The following NSL1 variants were observed in gnomAD, a reference collection of about 807,000 sequenced individuals.
The protein encoded by NSL1 is kinetochore-associated protein NSL1 homolog.
Under a neutral mutation model 25.4 loss-of-function variants are expected in NSL1, and 11 were observed. The observed-to-expected ratio is 0.43, with a 90% CI of 0.27 to 0.72. NSL1 has a LOEUF of 0.72. Ranked by LOEUF, NSL1 falls within the 30% of genes least tolerant of loss-of-function variation. NSL1 has a pLI of 0.19. For missense variants in NSL1, 330 were observed against 342.7 expected, an observed-to-expected ratio of 0.96 and a Z score of 0.29; for synonymous variants, 118 against 120.6, an observed-to-expected ratio of 0.98 and a Z score of 0.14.
chr1:212,754,553 G>C (rs374784323), intron 4 of NSL1, among the ~76,000 whole-genome samples: 66 of 152,066 alleles, frequency 4.3e-4, no homozygotes, highest in African/African-American at 1.4e-3. Context: ...GAGATGGGTG[G>C]ATCACGTGAG....
Position 212,726,897 on chromosome 1 carries a change from C to A in NSL1, c.*11511G>T. The A allele has an allele frequency of 2.5e-6, 1 of 398,258 alleles. No homozygotes were observed. Among genetic ancestry groups the A allele is most frequent in the Non-Finnish European group, 4.4e-6 (1 of 225,194 alleles). 24.7% of individuals were successfully genotyped at this position (398,258 alleles called of 1,614,324 possible). A position where few individuals can be genotyped will look rare whatever the true frequency, so the allele number is the denominator to read the frequency against. On this transcript the variant is annotated 3_prime_UTR_variant, in exon 6 of 6. Transcript: ENST00000366977. ...GTCCCAGGGGCTGGATGGTGTCCCTCCCTCTGATGGACACCAGCACAGCAC... is the reference window on the plus strand; with the variant it reads ...GTCCCAGGGGCTGGATGGTGTCCCTACCTCTGATGGACACCAGCACAGCAC...
At chr1:212,753,532 T>C (rs973710327) in intron 4 of NSL1, among the ~76,000 whole-genome samples, 2 of 152,200 alleles carry the variant, frequency 1.3e-5, no homozygotes, top group Non-Finnish European at 2.9e-5. Context: ...TTTTTATATT[T>C]ATTACTTTTC....
chr1:212,791,499 T>C, intron 1 of NSL1, 31 bp downstream of exon 1: 1 of 1,568,152 alleles, frequency 6.4e-7, no homozygotes, highest in Non-Finnish European at 8.8e-7. Context: ...AAGAGGATGA[T>C]GAGTAAAGAA....
chr1:212,769,719 G>GA (rs1660006754), intron 4 of NSL1, among the ~76,000 whole-genome samples: 1 of 151,830 alleles, frequency 6.6e-6, no homozygotes. Context: ...GAGAGAGAGA[G>GA]AAAAAACTCA....
At chr1:212,788,171 T>C (rs372258447) in intron 1 of NSL1, among the ~76,000 whole-genome samples, 39 of 152,372 alleles carry the variant, frequency 2.6e-4, no homozygotes, top group African/African-American at 9.1e-4. Context: ...CCCATCACTT[T>C]GGGAAGCCAA....
chr1:212,729,945 ATTTT>A lies in NSL1; in HGVS notation c.*8459_*8462del, dbSNP rs113434922. 1.5e-6 allele frequency: 1 copy of A among 686,702 alleles called. No individual in the cohort carries two copies. Among genetic ancestry groups the A allele is most frequent in the Non-Finnish European group, 1.8e-6 (1 of 558,700 alleles). The allele number at this position is 686,702 out of a possible 1,614,324, so 42.5% of individuals were successfully genotyped here. ...GTGGAGGAACTAAACCTCCGGAAGG[ATTTT>A]TTTTTTTAAGAATGAAATGGGCCGG... On this transcript the variant is annotated 3_prime_UTR_variant, in exon 6 of 6. Coordinates refer to ENST00000366977, the MANE Select transcript of NSL1 (RefSeq NM_015471.4).
In NSL1 at chr1:212,729,708, C is replaced by T. The variant is rs1179251983; in HGVS notation, c.*8700G>A. On this transcript the variant is annotated 3_prime_UTR_variant, in exon 6 of 6. Coordinates refer to ENST00000366977, the MANE Select transcript of NSL1 (RefSeq NM_015471.4). ...TCAGAGAAGGAAATGAAGCAAGATA[C>T]CAAGGTCAAATCCTCCTCTCTTTTC... 4.1e-6 allele frequency: 4 copies of T among 985,290 alleles called. No homozygotes were observed. The African/African-American group carries it at 7.0e-5, about 17-fold the overall frequency. 61.0% of individuals were successfully genotyped at this position (985,290 alleles called of 1,614,324 possible).
rs1019442312 is a variant in NSL1 at position 212,766,147 on chromosome 1, A to C, written c.499+16225T>G. 1.3e-3 allele frequency: 658 copies of C among 489,310 alleles called. 10 individuals carry two copies. The highest frequency in any genetic ancestry group is 1.2e-3 in the Non-Finnish European group (314 of 270,106). The allele number at this position is 489,310 out of a possible 1,614,324, so 30.3% of individuals were successfully genotyped here. A position where few individuals can be genotyped will look rare whatever the true frequency, so the allele number is the denominator to read the frequency against. Reference sequence around the variant, plus strand: ...CGAGACTCCATCTCAAAAAAAAAAAAACAAAAAAACCCTCAACAAACTAGG... The same window carrying C: ...CGAGACTCCATCTCAAAAAAAAAAACACAAAAAAACCCTCAACAAACTAGG... On this transcript the variant is annotated intron_variant, in intron 4 of 5. Transcript: ENST00000366977.
intron 4 of NSL1, among the ~76,000 whole-genome samples, chr1:212,781,538 T>TCC (rs1553254569): frequency 2.6e-5 from 4 of 151,732 alleles, no homozygotes; most frequent in South Asian, 4.1e-4. Context: ...TGCTTATACT[T>TCC]CCCCCCCTCT....
intron 4 of NSL1, chr1:212,781,996 T>G (rs1571919400): frequency 1.9e-6 from 1 of 514,834 alleles, no homozygotes; most frequent in Non-Finnish European, 3.8e-6. Flanking sequence ...CCAATGATGG[T>G]TACTGCACCA....
Position 212,728,776 on chromosome 1 carries a change from C to T in NSL1, c.*9632G>A. On this transcript the variant is annotated 3_prime_UTR_variant, in exon 6 of 6. Coordinates refer to ENST00000366977, the MANE Select transcript of NSL1 (RefSeq NM_015471.4). ...CCTTTGTTGCCACATCTCGCAGCTTCTCCCTTCTGTTTTTCCTCTCACTCT... is the reference window on the plus strand; with the variant it reads ...CCTTTGTTGCCACATCTCGCAGCTTTTCCCTTCTGTTTTTCCTCTCACTCT... 2.0e-6 allele frequency: 2 copies of T among 985,414 alleles called. No individual in the cohort carries two copies. Among genetic ancestry groups the T allele is most frequent in the Non-Finnish European group, 1.2e-6 (1 of 829,930 alleles). 61.0% of individuals were successfully genotyped at this position (985,414 alleles called of 1,614,324 possible). A position where few individuals can be genotyped will look rare whatever the true frequency, so the allele number is the denominator to read the frequency against.
rs1657972203 is a variant in NSL1 at position 212,730,473 on chromosome 1, AT to A, written c.*7934del. ...GTATGAGCCCAAAGGCACTGGAGCCATTCTCTGAGTAAGGCTAGTCAAGGTG... is the reference window on the plus strand; with the variant it reads ...GTATGAGCCCAAAGGCACTGGAGCCATCTCTGAGTAAGGCTAGTCAAGGTG... On this transcript the variant is annotated 3_prime_UTR_variant, in exon 6 of 6. Coordinates refer to ENST00000366977, the MANE Select transcript of NSL1 (RefSeq NM_015471.4). 1 of 985,346 alleles carries A rather than the reference AT, an allele frequency of 1.0e-6. No homozygotes were observed. The highest frequency in any genetic ancestry group is 1.2e-6 in the Non-Finnish European group (1 of 829,890). 61.0% of individuals were successfully genotyped at this position (985,346 alleles called of 1,614,324 possible).
intron 4 of NSL1, among the ~76,000 whole-genome samples, chr1:212,746,052 T>C (rs1269840200): frequency 1.3e-5 from 2 of 152,204 alleles, no homozygotes; most frequent in Non-Finnish European, 2.9e-5. Context: ...CTAACAGTGT[T>C]TCAGGCTGAA....
At chr1:212,749,747 T>C (rs570205445) in intron 4 of NSL1, among the ~76,000 whole-genome samples, 3 of 152,130 alleles carry the variant, frequency 2.0e-5, no homozygotes, top group South Asian at 2.1e-4. Flanking sequence ...TAAACTCACA[T>C]TGCTGAACAA....
chr1:212,751,896 A>C (rs1659081524), intron 4 of NSL1, among the ~76,000 whole-genome samples: 1 of 152,208 alleles, frequency 6.6e-6, no homozygotes, highest in Non-Finnish European at 1.5e-5. Context: ...ACATTTTGCA[A>C]CTAGTAAGAT....
chr1:212,757,390 T>C (rs1278760038), intron 4 of NSL1, among the ~76,000 whole-genome samples: 1 of 152,250 alleles, frequency 6.6e-6, no homozygotes, highest in East Asian at 1.9e-4. Flanking sequence ...AAAGTAGAAC[T>C]GGATGGAAGG....
At chr1:212,776,370 A>T (rs116536234) in intron 4 of NSL1, among the ~76,000 whole-genome samples, 2,307 of 151,338 alleles carry the variant, frequency 0.015, 62 homozygotes, top group African/African-American at 0.053. Flanking sequence ...TCTCAAAAAA[A>T]AATAATAAAT....
At chr1:212,738,765 AAT>A (rs1658355899) in intron 5 of NSL1, 79 bp from the exon 6 acceptor site, 10 of 1,146,012 alleles carry the variant, frequency 8.7e-6, no homozygotes, top group South Asian at 3.3e-5. Context: ...GCAGTACTCT[AAT>A]TTTTTTTTTT....
At position 212,743,357 on chromosome 1, in the gene NSL1, G is replaced by T. The variant is rs183295517; in HGVS notation, c.500-3756C>A. 3.5e-3 allele frequency among the ~76,000 whole-genome samples: 533 copies of T among 151,920 alleles called. 7 individuals carry two copies. Among genetic ancestry groups the T allele is most frequent in the African/African-American group, 0.012 (509 of 41,436 alleles). On this transcript the variant is annotated intron_variant, in intron 4 of 5. Coordinates refer to ENST00000366977, the MANE Select transcript of NSL1 (RefSeq NM_015471.4). ...TTTTTGCATTTTTAGTAGAGACAGG[G>T]TTTCACCATGTTAGCCAGAATGGCC... is the stretch of plus-strand genomic sequence containing the variant.
Sources: gnomAD v4.1 joint callset for allele counts (sites outside exome capture counted in the v4.1 genomes callset) on GRCh38, gnomAD v4.1.1 for gene constraint, MANE v1.5 for transcripts, NCBI Gene and HGNC (gene_info 2026-07-23, HGNC 2026-07-21) for gene names.